Variants in ZNF592 observed in about 807,000 individuals in gnomAD.
ZNF592 encodes the protein spinocerebellar ataxia, autosomal recessive 5.
A neutral mutation model predicts 80.3 loss-of-function variants in ZNF592; 11 were observed. The observed-to-expected ratio is 0.14, with a 90% confidence interval of 0.09 to 0.23. The LOEUF (loss-of-function observed/expected upper bound fraction) is 0.23. ZNF592 is among the 10% of genes least tolerant of loss of function. ZNF592 has a pLI of 1.00. For missense variants in ZNF592, 1,420 were observed against 1,633.9 expected, an observed-to-expected ratio of 0.87 and a Z score of 2.26; for synonymous variants, 646 against 640.3, an observed-to-expected ratio of 1.01 and a Z score of -0.13.
At chr15:84,772,822 G>T (rs1207350651) in intron 2 of ZNF592, among the ~76,000 whole-genome samples, 1 of 151,534 alleles carries the variant, frequency 6.6e-6, no homozygotes, top group East Asian at 1.9e-4. Flanking sequence ...GCTTTTATTT[G>T]CTTCCTTGTC....
chr15:84,794,529 G>A (rs1962839244), intron 5 of ZNF592, among the ~76,000 whole-genome samples: 2 of 151,668 alleles, frequency 1.3e-5, no homozygotes, highest in Non-Finnish European at 2.9e-5. Flanking sequence ...AGGCTGGAGT[G>A]CAGTGGCGCT....
At chr15:84,773,892 G>A (rs1487836552) in intron 2 of ZNF592, among the ~76,000 whole-genome samples, 1 of 152,176 alleles carries the variant, frequency 6.6e-6, no homozygotes, top group Non-Finnish European at 1.5e-5. Flanking sequence ...CACAGCACAC[G>A]TAGCTATGGA....
intron 1 of ZNF592, among the ~76,000 whole-genome samples, chr15:84,762,723 C>G (rs936911709): frequency 1.3e-5 from 2 of 152,168 alleles, no homozygotes; most frequent in African/African-American, 4.8e-5. Flanking sequence ...GCAAGGGCCC[C>G]CTGACCTTGC....
intron 3 of ZNF592, 86 bp downstream of exon 3, chr15:84,778,398 C>T (rs1962325175): frequency 6.5e-6 from 1 of 153,774 alleles, no homozygotes; most frequent in African/African-American, 2.4e-5. Flanking sequence ...ATTCACGTAG[C>T]CCGAGAAAAA....
Position 84,802,058 on chromosome 15 carries a change from C to T in ZNF592, c.3469C>T (p.Leu1157Phe), listed in dbSNP as rs976989252. 1.2e-6 allele frequency: 2 copies of T among 1,613,686 alleles called. No individual in the cohort carries two copies. The highest frequency in any genetic ancestry group is 1.7e-6 in the Non-Finnish European group (2 of 1,179,866). ...GGACAGCTCCACAGCCCAATGTCTC[C>T]TCTGTGGTTTGTGCTACACCTCTGC... ...QVDSSTAQCL[L>F]CGLCYTSASS... The change falls in exon 11 of 11, where the codon CTC (leucine) becomes TTC (phenylalanine). Residue 1157 changes from leucine (L) to phenylalanine (F), a missense_variant. Leu to Phe is a conservative substitution (Grantham distance 22, BLOSUM62 0). This residue lies in a region of ZNF592 where 145 missense variants were observed against 211.9 expected (regional missense o/e 0.68). Coordinates refer to ENST00000560079, the MANE Select transcript of ZNF592 (RefSeq NM_014630.3).
At chr15:84,800,350 G>T (rs985098179) in intron 10 of ZNF592, among the ~76,000 whole-genome samples, 1 of 152,106 alleles carries the variant, frequency 6.6e-6, no homozygotes, top group Non-Finnish European at 1.5e-5. Context: ...ATGATGTTTG[G>T]CCAACTCACC....
At position 84,796,288 on chromosome 15, in the gene ZNF592, TATATATAA is replaced by T. The variant is rs1438757259; in HGVS notation, c.2400-1579_2400-1572del. 6.0e-3 allele frequency among the ~76,000 whole-genome samples: 320 copies of T among 53,420 alleles called. 5 individuals carry two copies. The highest frequency in any genetic ancestry group is 8.4e-3 in the South Asian group (12 of 1,432). 35.0% of individuals were successfully genotyped at this position (53,420 alleles called of 152,430 possible). A position where few individuals can be genotyped will look rare whatever the true frequency, so the allele number is the denominator to read the frequency against. On this transcript the variant is annotated intron_variant, in intron 5 of 10. Coordinates refer to ENST00000560079, the MANE Select transcript of ZNF592 (RefSeq NM_014630.3). ...TATTTTATATATATATATATATATA[TATATATAA>T]AAAAACGAAGGGTAACATTCAGGAG... is the stretch of plus-strand genomic sequence containing the variant.
At chr15:84,774,657 A>T (rs998918586) in intron 2 of ZNF592, among the ~76,000 whole-genome samples, 2 of 152,178 alleles carry the variant, frequency 1.3e-5, no homozygotes, top group African/African-American at 4.8e-5. Flanking sequence ...GTTTTATGGA[A>T]GTCAGTTGTT....
Position 84,799,905 on chromosome 15 carries a change from T to C in ZNF592, c.3201T>C (p.Leu1067=). The C allele has an allele frequency of 6.2e-7, 1 of 1,614,160 alleles. No homozygotes were observed. The highest frequency in any genetic ancestry group is 8.5e-7 in the Non-Finnish European group (1 of 1,180,004). The change falls in exon 10 of 11, where the codon CTT becomes CTC. Residue 1067 remains leucine, a synonymous_variant. Coordinates refer to ENST00000560079, the MANE Select transcript of ZNF592 (RefSeq NM_014630.3). This position sits in a 1 kb window ranked among gnomAD's most constrained non-coding sequence, Gnocchi z 4.2. ...RPSLLESHIS[L]MHGIRNPDLS... is the part of the protein sequence containing the mutation. ...CCCTTCTGGAGAGCCACATCAGCCT[T>C]ATGCATGGCATCAGAAACCCTGATT...
At chr15:84,773,752 A>T (rs1449339042) in intron 2 of ZNF592, among the ~76,000 whole-genome samples, 1 of 152,136 alleles carries the variant, frequency 6.6e-6, no homozygotes, top group African/African-American at 2.4e-5. Context: ...GAAAAAAAAA[A>T]ATAGAGCTCT....
chr15:84,757,488 ATGGGCCACAATGCC>A (rs1003318400), intron 1 of ZNF592, among the ~76,000 whole-genome samples: 2 of 151,896 alleles, frequency 1.3e-5, no homozygotes, highest in African/African-American at 4.8e-5. Context: ...AACTACAGGC[ATGGGCCACAATGCC>A]TGGTTAATTA....
chr15:84,773,754 T>A (rs1962161410), intron 2 of ZNF592, among the ~76,000 whole-genome samples: 1 of 150,662 alleles, frequency 6.6e-6, no homozygotes, highest in Non-Finnish European at 1.5e-5. Flanking sequence ...AAAAAAAAAA[T>A]AGAGCTCTAA....
At chr15:84,791,960 A>T (rs1320552325) in intron 5 of ZNF592, among the ~76,000 whole-genome samples, 1 of 152,220 alleles carries the variant, frequency 6.6e-6, no homozygotes, top group African/African-American at 2.4e-5. Context: ...CTTGGCAGAC[A>T]TTTGGACTTT....
At chr15:84,775,405 G>A (rs1962214575) in intron 2 of ZNF592, among the ~76,000 whole-genome samples, 1 of 139,998 alleles carries the variant, frequency 7.1e-6, no homozygotes, top group South Asian at 2.3e-4. Context: ...TAATCATACT[G>A]GGTGTTGTTG....
In ZNF592 at chr15:84,802,051, A is replaced by C; in HGVS notation, c.3462A>C (p.Gln1154His). 1.2e-6 allele frequency: 2 copies of C among 1,613,826 alleles called. No homozygotes were observed. Among genetic ancestry groups the C allele is most frequent in the Non-Finnish European group, 1.7e-6 (2 of 1,179,856 alleles). The change falls in exon 11 of 11, where the codon CAA becomes CAC. Residue 1154 changes from glutamine (Q) to histidine (H), a missense_variant. Physicochemically the swap from Gln to His is conservative, Grantham distance 24. This residue lies in a region of ZNF592 where 145 missense variants were observed against 211.9 expected (regional missense o/e 0.68). Transcript: ENST00000560079. ...PQHQVDSSTA[Q>H]CLLCGLCYTS... The stretch of plus-strand genomic sequence containing the variant: ...ACCAGGTGGACAGCTCCACAGCCCA[A>C]TGTCTCCTCTGTGGTTTGTGCTACA...
At chr15:84,752,381 C>T (rs956476167) in intron 1 of ZNF592, among the ~76,000 whole-genome samples, 5 of 152,116 alleles carry the variant, frequency 3.3e-5, no homozygotes, top group Non-Finnish European at 5.9e-5. Context: ...AGCACAGTTG[C>T]GGTTAAAGAG....
chr15:84,751,871 CT>C (rs548771572), intron 1 of ZNF592, among the ~76,000 whole-genome samples: 92 of 152,256 alleles, frequency 6.0e-4, no homozygotes, highest in African/African-American at 2.2e-3. Flanking sequence ...AGCCACTGCA[CT>C]CTAGCCTGGG....
chr15:84,772,885 G>A (rs940286605), intron 2 of ZNF592, among the ~76,000 whole-genome samples: 1 of 151,880 alleles, frequency 6.6e-6, no homozygotes, highest in Non-Finnish European at 1.5e-5. Context: ...ATGCTTTTTG[G>A]AGTCCCTCTG....
rs141067492 is a variant in ZNF592, at chr15:84,762,671, A to C, written c.-258-2036A>C. On this transcript the variant is annotated intron_variant, in intron 1 of 10. Transcript: ENST00000560079. ...ATTTGGTGGAGAGATTTGAAGGGTA[A>C]CTGTGAGTAGGAGACTTCAGCTGCT... 4.0e-3 allele frequency among the ~76,000 whole-genome samples: 606 copies of C among 152,274 alleles called. 2 individuals are homozygous for C. Among genetic ancestry groups the C allele is most frequent in the African/African-American group, 0.014 (576 of 41,558 alleles).
Sources: gnomAD v4.1 joint callset for allele counts (sites outside exome capture counted in the v4.1 genomes callset) on GRCh38, gnomAD v4.1.1 for gene constraint, gnomAD v4.1.1 regional missense constraint, Gnocchi (gnomAD v3.1) non-coding constraint, MANE v1.5 for transcripts, NCBI Gene and HGNC (gene_info 2026-07-23, HGNC 2026-07-21) for gene names.